Variants in KRT13 observed in about 807,000 individuals in gnomAD.
KRT13 encodes keratin, type I cytoskeletal 13.
KRT13 carries 27 observed loss-of-function variants against 40.6 expected under a neutral mutation model. The ratio of observed to expected loss-of-function variants is 0.67; its 90% CI spans 0.49 to 0.92. KRT13 has a LOEUF of 0.92. KRT13 is among the 40% of genes least tolerant of loss of function. KRT13 has a pLI of 0.00. For missense variants in KRT13, 605 were observed against 611.5 expected, an observed-to-expected ratio of 0.99 and a Z score of 0.11; for synonymous variants, 266 against 240.3, an observed-to-expected ratio of 1.11 and a Z score of -0.99.
At chr17:41,501,856 C>G (rs939253347) in intron 6 of KRT13, 112 bp from the exon 7 acceptor site, 2 of 1,547,248 alleles carry the variant, frequency 1.3e-6, no homozygotes, top group African/African-American at 1.4e-5. Context: ...GGGCTGGACT[C>G]TAGTGCCTCC....
intron 2 of KRT13, 78 bp from the exon 3 acceptor site, chr17:41,503,521 C>T (rs542468782): frequency 4.5e-5 from 71 of 1,562,960 alleles, no homozygotes; most frequent in Non-Finnish European, 5.2e-5. Flanking sequence ...TACCCCTGCA[C>T]GAGACTCCAG....
Position 41,501,159 on chromosome 17 carries a change from G to T in KRT13, c.*97C>A. ...GGGGTCCTGAGAGCAGAGGGACTGA[G>T]CCTTGGGTCCAGCAGCCCCTCCTCT... On this transcript the variant is annotated 3_prime_UTR_variant, in exon 8 of 8. Transcript: ENST00000246635. 1.2e-6 allele frequency: 1 copy of T among 853,872 alleles called. No individual in the cohort carries two copies. Among genetic ancestry groups the T allele is most frequent in the Non-Finnish European group, 1.9e-6 (1 of 521,484 alleles). 52.9% of individuals were successfully genotyped at this position (853,872 alleles called of 1,614,324 possible). A position where few individuals can be genotyped will look rare whatever the true frequency, so the allele number is the denominator to read the frequency against.
At chr17:41,501,407 C>A in intron 7 of KRT13, 45 bp from the exon 8 acceptor site, 4 of 1,471,632 alleles carry the variant, frequency 2.7e-6, no homozygotes, top group Non-Finnish European at 3.7e-6. Flanking sequence ...AGAAGACCCA[C>A]CTCAGGACAG....
chr17:41,501,060 A>G lies in KRT13; in HGVS notation c.*196T>C, dbSNP rs1904828229. ...GAAGTTGAGAAACCAAAGCGTATCC[A>G]GGTCAGAGAGGAGAGAGATCCGACC... is the stretch of plus-strand genomic sequence containing the variant. On this transcript the variant is annotated 3_prime_UTR_variant, in exon 8 of 8. Transcript: ENST00000246635. The G allele has an allele frequency of 7.8e-6, 4 of 514,986 alleles. No individual in the cohort carries two copies. The highest frequency in any genetic ancestry group is 6.3e-5 in the Admixed American group (2 of 31,968). The allele number at this position is 514,986 out of a possible 1,614,324, so 31.9% of individuals were successfully genotyped here.
chr17:41,502,187 T>C, intron 6 of KRT13, 187 bp downstream of exon 6: 1 of 1,495,170 alleles, frequency 6.7e-7, no homozygotes, highest in South Asian at 1.3e-5. Flanking sequence ...CCAGTCTAAC[T>C]TGGAGGCCCA....
chr17:41,502,152 G>A, intron 6 of KRT13: 6 of 1,446,820 alleles, frequency 4.1e-6, no homozygotes, highest in Non-Finnish European at 5.4e-6. Context: ...AATATCAGAT[G>A]TTCCCTCCAT....
chr17:41,501,090 GA>G lies in KRT13; in HGVS notation c.*165del. ...AGAGAGGAGAGAGATCCGACCGGAA[GA>G]GAAGAGCACAGAGGGCCCACCATCA... is the stretch of plus-strand genomic sequence containing the variant. On this transcript the variant is annotated 3_prime_UTR_variant, in exon 8 of 8. Coordinates refer to ENST00000246635, the MANE Select transcript of KRT13 (RefSeq NM_153490.3). The G allele has an allele frequency of 3.4e-6, 2 of 593,282 alleles. No individual in the cohort carries two copies. Among genetic ancestry groups the G allele is most frequent in the Non-Finnish European group, 6.2e-6 (2 of 320,350 alleles). 36.8% of individuals were successfully genotyped at this position (593,282 alleles called of 1,614,324 possible).
chr17:41,504,941 C>A, intron 1 of KRT13, 115 bp downstream of exon 1: 1 of 1,247,202 alleles, frequency 8.0e-7, no homozygotes, highest in African/African-American at 1.5e-5. Flanking sequence ...TAGGCTTTTC[C>A]CCTGCAAGAA....
At position 41,505,410 on chromosome 17, in the gene KRT13, G is replaced by A. The variant is rs374219463; in HGVS notation, c.141C>T (p.Gly47=). The A allele has an allele frequency of 6.9e-5, 111 of 1,612,864 alleles. No homozygotes were observed. Among genetic ancestry groups the A allele is most frequent in the South Asian group, 2.2e-4 (20 of 91,016 alleles). ...VSGGSAGGYG[G]GVSCGFGGGA... Reference sequence around the variant, plus strand: ...CTCCACCAAAACCACAGCTCACGCCGCCTCCATAGCCCCCAGCTGATCCCC... The same window carrying A: ...CTCCACCAAAACCACAGCTCACGCCACCTCCATAGCCCCCAGCTGATCCCC... Residue 47 remains glycine, a synonymous_variant, in exon 1 of 8, where the codon GGC becomes GGT. Coordinates refer to ENST00000246635, the MANE Select transcript of KRT13 (RefSeq NM_153490.3).
chr17:41,503,808 G>A, intron 1 of KRT13, 83 bp from the exon 2 acceptor site: 1 of 1,046,250 alleles, frequency 9.6e-7, no homozygotes, highest in Non-Finnish European at 1.5e-6. Flanking sequence ...AAGAAGAATT[G>A]TCTTGGGCAA....
intron 6 of KRT13, 55 bp downstream of exon 6, chr17:41,502,319 G>T (rs1471670637): frequency 1.7e-5 from 27 of 1,612,762 alleles, no homozygotes; most frequent in Admixed American, 3.3e-5. Context: ...TGCCTGCTCT[G>T]ACACCCACGG....
intron 6 of KRT13, 43 bp downstream of exon 6, chr17:41,502,331 T>A: frequency 6.2e-7 from 1 of 1,613,220 alleles, no homozygotes; most frequent in South Asian, 1.1e-5. Flanking sequence ...CACCCACGGG[T>A]CCTGCAGTCA....
chr17:41,501,190 G>A lies in KRT13; in HGVS notation c.*66C>T. On this transcript the variant is annotated 3_prime_UTR_variant, in exon 8 of 8. Transcript: ENST00000246635. The stretch of plus-strand genomic sequence containing the variant: ...GGTCCAGCAGCCCCTCCTCTCTCCT[G>A]CAGGGAACTGCCGGCTCTCTCCTCC... 1 of 1,193,178 alleles carries A rather than the reference G, an allele frequency of 8.4e-7. No homozygotes were observed. Among genetic ancestry groups the A allele is most frequent in the Non-Finnish European group, 1.2e-6 (1 of 827,412 alleles). The allele number at this position is 1,193,178 out of a possible 1,614,324, so 73.9% of individuals were successfully genotyped here. A position where few individuals can be genotyped will look rare whatever the true frequency, so the allele number is the denominator to read the frequency against.
Position 41,501,356 on chromosome 17 carries a change from A to G in KRT13, c.1277T>C (p.Val426Ala), listed in dbSNP as rs771188978. The G allele has an allele frequency of 1.0e-5, 16 of 1,560,438 alleles. No homozygotes were observed. The highest frequency in any genetic ancestry group is 1.4e-5 in the Non-Finnish European group (16 of 1,151,198). Reference sequence around the variant, plus strand: ...GGTAACAGAGGTGCTACGGGGGCTGACGCTTCCTGGGAAACAAGAGACAAG... The same window carrying G: ...GGTAACAGAGGTGCTACGGGGGCTGGCGCTTCCTGGGAAACAAGAGACAAG... ...MIGFPSSAGSVSPRSTSVTTT... is the reference protein window; with the variant it reads ...MIGFPSSAGSASPRSTSVTTT... Residue 426 changes from valine to alanine, a missense_variant, in exon 8 of 8, where the codon GTC becomes GCC. Val to Ala is a moderately conservative substitution (Grantham distance 64, BLOSUM62 0). Coordinates refer to ENST00000246635, the MANE Select transcript of KRT13 (RefSeq NM_153490.3).
In KRT13 at chr17:41,502,824, G is replaced by C. The variant is rs768394880; in HGVS notation, c.898-12C>G. 3.1e-6 allele frequency: 5 copies of C among 1,614,046 alleles called. No homozygotes were observed. Among genetic ancestry groups the C allele is most frequent in the Non-Finnish European group, 4.2e-6 (5 of 1,180,042 alleles). ...TTCAGCTCTGCACTCTGAAATGCAA[G>C]CAGGAAGAAGGTGGTGGGGAAGCTC... On this transcript the variant is annotated splice_polypyrimidine_tract_variant and intron_variant, in intron 4 of 7. Transcript: ENST00000246635.
Position 41,503,596 on chromosome 17 carries a change from TAA to T in KRT13, c.578+45_578+46del, listed in dbSNP as rs775542127. On this transcript the variant is annotated intron_variant, in intron 2 of 7. Transcript: ENST00000246635. The stretch of plus-strand genomic sequence containing the variant: ...TGGTCAGATGAGCTTTTGTCTAAAC[TAA>T]GAGACTCCTGGGAAAGGAGAGGGAG... 36 of 1,580,550 alleles carry T rather than the reference TAA, an allele frequency of 2.3e-5. No individual in the cohort carries two copies. The East Asian group carries it at 7.8e-4, about 34-fold the overall frequency.
Position 41,505,502 on chromosome 17 carries a change from C to G in KRT13, c.49G>C (p.Gly17Arg), listed in dbSNP as rs770281794. 9.3e-6 allele frequency: 15 copies of G among 1,614,266 alleles called. No homozygotes were observed. The highest frequency in any genetic ancestry group is 1.2e-5 in the Non-Finnish European group (14 of 1,180,050). ...SSSASYGGGFGGGSCQLGGGR... is the reference protein window; with the variant it reads ...SSSASYGGGFRGGSCQLGGGR... ...CCTCCCAGCTGGCAAGAGCCACCCC[C>G]GAAACCACCTCCATAGCTGGCAGAG... The change falls in exon 1 of 8, where the codon GGG becomes CGG. Residue 17 changes from glycine to arginine, a missense_variant. Coordinates refer to ENST00000246635, the MANE Select transcript of KRT13 (RefSeq NM_153490.3).
chr17:41,501,779 G>A (rs1419498769), intron 6 of KRT13, 35 bp from the exon 7 acceptor site: 1 of 1,587,008 alleles, frequency 6.3e-7, no homozygotes, highest in Non-Finnish European at 8.6e-7. Flanking sequence ...ATGAGCAGAG[G>A]GTAACTGAGG....
intron 1 of KRT13, 140 bp downstream of exon 1, chr17:41,504,916 T>G: frequency 1.1e-6 from 1 of 923,386 alleles, no homozygotes; most frequent in Non-Finnish European, 1.6e-6. Context: ...GTAGAGACTC[T>G]TGGTAGTCAA....
Sources: gnomAD v4.1 joint callset for allele counts on GRCh38, gnomAD v4.1.1 for gene constraint, MANE v1.5 for transcripts, NCBI Gene and HGNC (gene_info 2026-07-23, HGNC 2026-07-21) for gene names.